Variants in EIF2B3 observed in about 807,000 individuals in gnomAD.
EIF2B3 encodes translation initiation factor eIF2B subunit gamma.
In EIF2B3, 20 loss-of-function variants were observed where a neutral mutation model predicts 54.1. The observed-to-expected ratio is 0.37, with a 90% CI of 0.26 to 0.54. The LOEUF is 0.54. Ranked by LOEUF, EIF2B3 falls within the 20% of genes least tolerant of loss-of-function variation. The pLI, the probability that EIF2B3 is intolerant of heterozygous loss-of-function variation, is 0.86. For synonymous variants in EIF2B3, 153 were observed against 188.1 expected, an observed-to-expected ratio of 0.81 and a Z score of 1.52; for missense variants, 448 against 547.8, an observed-to-expected ratio of 0.82 and a Z score of 1.82.
intron 5 of EIF2B3, among the ~76,000 whole-genome samples, chr1:44,915,441 A>G (rs2148925309): frequency 6.6e-6 from 1 of 152,238 alleles, no homozygotes; most frequent in Non-Finnish European, 1.5e-5. Flanking sequence ...AGTTCACTGC[A>G]GCCTTGGCCT....
chr1:44,970,529 CT>C (rs985110959), intron 3 of EIF2B3, among the ~76,000 whole-genome samples: 2 of 152,132 alleles, frequency 1.3e-5, no homozygotes, highest in African/African-American at 4.8e-5. Flanking sequence ...TTTAGGAGCT[CT>C]TTTGTGGGCA....
chr1:44,964,053 A>C (rs1264564186), intron 3 of EIF2B3, among the ~76,000 whole-genome samples: 1 of 150,888 alleles, frequency 6.6e-6, no homozygotes, highest in Non-Finnish European at 1.5e-5. Context: ...AAAACATTTC[A>C]ATGTTGTAGA....
chr1:44,966,235 C>G (rs563219898), intron 3 of EIF2B3, among the ~76,000 whole-genome samples: 1 of 151,816 alleles, frequency 6.6e-6, no homozygotes, highest in Admixed American at 6.6e-5. Flanking sequence ...GTCAAGAGAT[C>G]GAGACCATCC....
At chr1:44,852,254 G>A (rs566260579) in intron 11 of EIF2B3, among the ~76,000 whole-genome samples, 2 of 151,110 alleles carry the variant, frequency 1.3e-5, no homozygotes, top group South Asian at 2.1e-4. Flanking sequence ...GTGAGCCACC[G>A]CACTTGGCCC....
intron 6 of EIF2B3, among the ~76,000 whole-genome samples, chr1:44,885,901 A>ATTTTT (rs57544990): frequency 5.4e-4 from 72 of 133,188 alleles, no homozygotes; most frequent in African/African-American, 1.9e-3. Flanking sequence ...CGCTTGGCTA[A>ATTTTT]TTTTTTTTTT....
chr1:44,974,774 T>G (rs1348340750), intron 3 of EIF2B3, among the ~76,000 whole-genome samples: 1 of 152,206 alleles, frequency 6.6e-6, no homozygotes, highest in Non-Finnish European at 1.5e-5. Flanking sequence ...ATCTATAATT[T>G]AAAAGGTCAC....
chr1:44,857,758 C>G lies in EIF2B3; in HGVS notation c.1252G>C (p.Gly418Arg), dbSNP rs553737269. The G allele has an allele frequency of 6.2e-7, 1 of 1,614,116 alleles. No homozygotes were observed. Among genetic ancestry groups the G allele is most frequent in the East Asian group, 2.2e-5 (1 of 44,880 alleles). ...ATCAAGCAGTCCTTGATGTCTGCAC[C>G]CTTCTCGATCACAGCATTGTTGCAG... Reference protein sequence around the residue: ...VICNNAVIEKGADIKDCLIGS... With the variant: ...VICNNAVIEKRADIKDCLIGS... The change falls in exon 11 of 12, where the codon GGT (glycine) becomes CGT (arginine). Residue 418 changes from glycine (G) to arginine (R), a missense_variant. By Grantham distance (125) the Gly-to-Arg change is moderately radical. Around this residue, in one of 3 missense-constraint regions of EIF2B3, gnomAD observed 350 missense variants for 414.2 expected, o/e 0.85. Transcript: ENST00000360403.
rs567073429 is a variant in EIF2B3 at position 44,870,873 on chromosome 1, G to A, written c.1202+3805C>T. 5.3e-5 allele frequency among the ~76,000 whole-genome samples: 8 copies of A among 151,996 alleles called. No individual in the cohort carries two copies. In the South Asian group the frequency reaches 6.2e-4, roughly 12 times the overall value. On this transcript the variant is annotated intron_variant, in intron 10 of 11. Transcript: ENST00000360403. ...TCGCCATGTTGCCCAGGCTGGTCTC[G>A]AACTCCTGGGCTCATCTGCCCACCT...
intron 5 of EIF2B3, 115 bp downstream of exon 5, chr1:44,926,513 T>G: frequency 2.6e-6 from 2 of 783,214 alleles, no homozygotes; most frequent in Admixed American, 4.3e-5. Flanking sequence ...TCACATACTT[T>G]TGTCAATTTC....
At chr1:44,876,224 G>A (rs986122094) in intron 8 of EIF2B3, among the ~76,000 whole-genome samples, 6 of 151,502 alleles carry the variant, frequency 4.0e-5, no homozygotes, top group East Asian at 4.0e-4. Context: ...AGTGAGGAGC[G>A]TCTCTGCCTG....
intron 5 of EIF2B3, among the ~76,000 whole-genome samples, chr1:44,918,939 C>T (rs915244026): frequency 5.3e-5 from 8 of 152,194 alleles, no homozygotes; most frequent in African/African-American, 1.7e-4. Flanking sequence ...AGGACGATTT[C>T]ACTCTTTTAT....
At chr1:44,862,398 G>C (rs745693692) in intron 10 of EIF2B3, among the ~76,000 whole-genome samples, 1 of 152,158 alleles carries the variant, frequency 6.6e-6, no homozygotes, top group Non-Finnish European at 1.5e-5. Context: ...GAGAAAAACA[G>C]AGTACTACAG....
chr1:44,875,492 A>C, intron 9 of EIF2B3, 126 bp downstream of exon 9: 1 of 858,980 alleles, frequency 1.2e-6, no homozygotes, highest in East Asian at 2.5e-5. Flanking sequence ...TATTCTCAGA[A>C]CCCACTGTGA....
At chr1:44,937,741 G>A (rs1170980404) in intron 4 of EIF2B3, among the ~76,000 whole-genome samples, 6 of 151,890 alleles carry the variant, frequency 4.0e-5, no homozygotes, top group South Asian at 2.1e-4. Flanking sequence ...AAAATTAGCC[G>A]GGCGTGGTGG....
intron 6 of EIF2B3, among the ~76,000 whole-genome samples, chr1:44,892,258 A>C (rs542298586): frequency 7.0e-4 from 106 of 152,224 alleles, no homozygotes; most frequent in Admixed American, 2.1e-3. Flanking sequence ...CTTTACCCAT[A>C]AACACACAGA....
intron 2 of EIF2B3, among the ~76,000 whole-genome samples, chr1:44,979,730 G>A (rs946718480): frequency 4.0e-5 from 6 of 151,194 alleles, no homozygotes; most frequent in African/African-American, 9.7e-5. Context: ...TTGGAAGGCC[G>A]AGACAGGCAG....
At chr1:44,857,899 AG>A in intron 10 of EIF2B3, 92 bp from the exon 11 acceptor site, 2 of 1,231,602 alleles carry the variant, frequency 1.6e-6, no homozygotes, top group South Asian at 1.2e-5. Context: ...TCCCTAGGCC[AG>A]GAACAGCTGG....
chr1:44,876,414 A>G (rs1655149770), intron 8 of EIF2B3, among the ~76,000 whole-genome samples: 1 of 141,006 alleles, frequency 7.1e-6, no homozygotes, highest in Non-Finnish European at 1.5e-5. Context: ...CTGGGAGGTG[A>G]GGAGCGTCTC....
intron 10 of EIF2B3, among the ~76,000 whole-genome samples, chr1:44,868,354 C>A (rs1208899783): frequency 1.5e-5 from 2 of 135,236 alleles, no homozygotes; most frequent in Admixed American, 8.4e-5. Flanking sequence ...GCTGAGATTG[C>A]GCCACTGTAC....
Sources: allele counts gnomAD v4.1 joint callset (sites outside exome capture counted in the v4.1 genomes callset), GRCh38; gene constraint gnomAD v4.1.1; regional missense constraint gnomAD v4.1.1; transcripts MANE v1.5; gene names NCBI Gene and HGNC (gene_info 2026-07-23, HGNC 2026-07-21).